The following IL1RAPL2 variants were observed in gnomAD, a reference collection of about 807,000 sequenced individuals.
IL1RAPL2 encodes interleukin 1 receptor accessory protein like 2.
Under a neutral mutation model 44.1 loss-of-function variants are expected in IL1RAPL2, and 3 were observed. That is an observed-to-expected ratio of 0.07 (90% CI 0.03 to 0.18). The LOEUF is 0.18. Among genes scored for constraint, IL1RAPL2 ranks in the 10% least tolerant of loss-of-function variants. IL1RAPL2 has a pLI of 1.00. For missense variants in IL1RAPL2, 391 were observed against 496.4 expected (o/e 0.79, Z 2.02); for synonymous variants, 181 against 178.8 (o/e 1.01, Z -0.10).
intron 2 of IL1RAPL2, among the ~76,000 whole-genome samples, chrX:104,809,578 G>T (rs1249786122): frequency 1.8e-5 from 2 of 108,891 alleles, no homozygotes; most frequent in Non-Finnish European, 3.8e-5. Flanking sequence ...GGGGTTGTTT[G>T]TTTTTTTTCT....
intron 2 of IL1RAPL2, among the ~76,000 whole-genome samples, chrX:104,693,686 A>G (rs760251081): frequency 1.8e-5 from 2 of 112,237 alleles, no homozygotes; most frequent in South Asian, 7.4e-4. Context: ...AGAACCTTGT[A>G]GCAGGAATGG....
intron 2 of IL1RAPL2, among the ~76,000 whole-genome samples, chrX:104,902,353 T>G (rs1923844894): frequency 8.9e-6 from 1 of 112,104 alleles, no homozygotes. Flanking sequence ...TTTCACAAAA[T>G]TACCACTGTT....
At chrX:104,648,106 C>T in intron 1 of IL1RAPL2, 1 of 417,185 alleles carries the variant, frequency 2.4e-6, no homozygotes, top group South Asian at 3.2e-5. Context: ...TACACATACA[C>T]ACACATTCTC....
At chrX:105,556,693 A>G (rs747329906) in intron 6 of IL1RAPL2, among the ~76,000 whole-genome samples, 1 of 112,216 alleles carries the variant, frequency 8.9e-6, no homozygotes, top group Non-Finnish European at 1.9e-5. Flanking sequence ...TTTAAAATTG[A>G]GGACACATAT....
intron 3 of IL1RAPL2, among the ~76,000 whole-genome samples, chrX:105,230,598 C>G (rs188431786): frequency 9.1e-6 from 1 of 109,565 alleles, no homozygotes; most frequent in Admixed American, 9.9e-5. Flanking sequence ...TGAATACCTA[C>G]TTTTTGATAG....
intron 2 of IL1RAPL2, among the ~76,000 whole-genome samples, chrX:104,733,626 A>AATAATAATG (rs1312938347): frequency 9.5e-6 from 1 of 105,713 alleles, no homozygotes; most frequent in Admixed American, 1.0e-4. Flanking sequence ...TCAAAATAAT[A>AATAATAATG]ATAATAATAA....
intron 2 of IL1RAPL2, among the ~76,000 whole-genome samples, chrX:104,976,915 A>G (rs2030348566): frequency 1.9e-5 from 2 of 103,464 alleles, no homozygotes; most frequent in South Asian, 4.2e-4. Flanking sequence ...AAAAAAAAAG[A>G]CTGCAAACAA....
intron 2 of IL1RAPL2, among the ~76,000 whole-genome samples, chrX:105,085,105 T>C (rs2032463352): frequency 8.9e-6 from 1 of 112,345 alleles, no homozygotes; most frequent in Admixed American, 9.5e-5. Flanking sequence ...CTCTTTCCTT[T>C]ATAAATTACA....
intron 6 of IL1RAPL2, among the ~76,000 whole-genome samples, chrX:105,530,621 A>G (rs373881410): frequency 2.7e-5 from 3 of 110,998 alleles, no homozygotes; most frequent in East Asian, 5.7e-4. Context: ...ATTTTAAAAT[A>G]TACAATTAAG....
intron 1 of IL1RAPL2, among the ~76,000 whole-genome samples, chrX:104,572,119 C>T (rs780571626): frequency 3.6e-5 from 4 of 111,597 alleles, no homozygotes; most frequent in Admixed American, 9.5e-5. Flanking sequence ...CCTTTCTTTA[C>T]CTTGCTTAAT....
chrX:104,726,953 T>C (rs922739332), intron 2 of IL1RAPL2, among the ~76,000 whole-genome samples: 1 of 109,115 alleles, frequency 9.2e-6, no homozygotes, highest in Non-Finnish European at 1.9e-5. Context: ...CAACTCAAAA[T>C]GGATTAAAAA....
chrX:105,606,569 G>T (rs1445452882), intron 6 of IL1RAPL2, among the ~76,000 whole-genome samples: 1 of 111,195 alleles, frequency 9.0e-6, no homozygotes, highest in Non-Finnish European at 1.9e-5. Flanking sequence ...CCAAAGGAAA[G>T]GAAATCAATG....
At chrX:105,695,286 A>C (rs1435183200) in intron 6 of IL1RAPL2, among the ~76,000 whole-genome samples, 1 of 112,083 alleles carries the variant, frequency 8.9e-6, no homozygotes, top group African/African-American at 3.2e-5. Flanking sequence ...AAGCAACAAA[A>C]AGAGGTATCG....
At chrX:105,747,535 T>TACAC (rs775778131) in intron 8 of IL1RAPL2, among the ~76,000 whole-genome samples, 7 of 67,462 alleles carry the variant, frequency 1.0e-4, no homozygotes, top group African/African-American at 2.3e-4. Flanking sequence ...TATATATATA[T>TACAC]ACACACACAC....
At chrX:105,364,098 T>A (rs1051682403) in intron 5 of IL1RAPL2, among the ~76,000 whole-genome samples, 1 of 111,583 alleles carries the variant, frequency 9.0e-6, no homozygotes, top group African/African-American at 3.2e-5. Flanking sequence ...GATTTTTGTT[T>A]ATGATGGAAG....
intron 2 of IL1RAPL2, among the ~76,000 whole-genome samples, chrX:105,013,327 C>G (rs754064608): frequency 9.1e-6 from 1 of 110,496 alleles, no homozygotes; most frequent in East Asian, 2.9e-4. Flanking sequence ...CCAACAGAAC[C>G]GCAGCATCAA....
chrX:105,312,800 G>GTATA (rs758384799), intron 5 of IL1RAPL2, among the ~76,000 whole-genome samples: 152 of 110,680 alleles, frequency 1.4e-3, no homozygotes, highest in African/African-American at 4.7e-3. Flanking sequence ...ATTCTACTAT[G>GTATA]TATATACATT....
chrX:105,388,356 ATTTTTTTT>A (rs772573698), intron 5 of IL1RAPL2, among the ~76,000 whole-genome samples: 23 of 61,266 alleles, frequency 3.8e-4, no homozygotes, highest in African/African-American at 2.2e-3. Context: ...ACCAAAGCAG[ATTTTTTTT>A]TTTTTTTTTT....
intron 5 of IL1RAPL2, among the ~76,000 whole-genome samples, chrX:105,409,841 TAGATAGAC>T (rs1159357810): frequency 2.3e-4 from 21 of 89,501 alleles, no homozygotes; most frequent in Non-Finnish European, 2.0e-4. Flanking sequence ...GATAGATAGA[TAGATAGAC>T]AGACAGACAG....
Sources: allele counts gnomAD v4.1 joint callset (sites outside exome capture counted in the v4.1 genomes callset), GRCh38; gene constraint gnomAD v4.1.1; transcripts MANE v1.5; gene names NCBI Gene and HGNC (gene_info 2026-07-23, HGNC 2026-07-21).